CDH12: variants seen among roughly 807,000 people sequenced by gnomAD.
CDH12 encodes the protein cadherin-12.
In CDH12, 41 loss-of-function variants were observed where a neutral mutation model predicts 74.1. The ratio of observed to expected loss-of-function variants is 0.55; its 90% CI spans 0.43 to 0.72. The LOEUF (loss-of-function observed/expected upper bound fraction) is 0.72. Among genes scored for constraint, CDH12 ranks in the 30% least tolerant of loss-of-function variants. The pLI, the probability that CDH12 is intolerant of heterozygous loss-of-function variation, is 0.00. For missense variants in CDH12, 945 were observed against 977.2 expected (o/e 0.97, Z 0.44); for synonymous variants, 399 against 355.0 (o/e 1.12, Z -1.39).
At chr5:22,004,699 A>C (rs1736832974) in intron 5 of CDH12, among the ~76,000 whole-genome samples, 1 of 152,148 alleles carries the variant, frequency 6.6e-6, no homozygotes, top group Non-Finnish European at 1.5e-5. Flanking sequence ...GGTTTGTTAC[A>C]TGGATGTATT....
chr5:22,329,800 T>C (rs893594588), intron 3 of CDH12, among the ~76,000 whole-genome samples: 9 of 152,224 alleles, frequency 5.9e-5, no homozygotes. Flanking sequence ...AGGGAGCATT[T>C]TTGACCAGCC....
intron 4 of CDH12, among the ~76,000 whole-genome samples, chr5:22,131,549 C>T (rs990712313): frequency 6.6e-6 from 1 of 152,038 alleles, no homozygotes; most frequent in African/African-American, 2.4e-5. Context: ...TTAAATGGCT[C>T]CACTCCTACT....
At chr5:22,580,315 A>G (rs2126781821) in intron 1 of CDH12, 2 of 423,028 alleles carry the variant, frequency 4.7e-6, no homozygotes, top group South Asian at 1.8e-5. Flanking sequence ...TTATTGGCAA[A>G]CAAGTGGTGC....
chr5:22,589,593 T>G (rs1320245325), intron 1 of CDH12, among the ~76,000 whole-genome samples: 1 of 152,206 alleles, frequency 6.6e-6, no homozygotes, highest in African/African-American at 2.4e-5. Context: ...TCCTTAGCCT[T>G]CTTTTAATGC....
At chr5:22,718,723 A>G (rs533328651) in intron 1 of CDH12, among the ~76,000 whole-genome samples, 1 of 152,242 alleles carries the variant, frequency 6.6e-6, no homozygotes, top group South Asian at 2.1e-4. Context: ...TGCAAACTAA[A>G]GGCCAGCGAG....
At chr5:22,599,143 C>T (rs1423837958) in intron 1 of CDH12, among the ~76,000 whole-genome samples, 1 of 152,192 alleles carries the variant, frequency 6.6e-6, no homozygotes, top group Non-Finnish European at 1.5e-5. Flanking sequence ...ATATCCTACA[C>T]CTATATATGG....
rs1305339861 is a variant in CDH12, at chr5:22,723,622, A to G, written c.-523+129436T>C. The stretch of plus-strand genomic sequence containing the variant: ...TACCTCCTGGCACAATCATCATTCT[A>G]GAAGTCTAGAACCTTCATAACCTTT... On this transcript the variant is annotated intron_variant, in intron 1 of 14. Transcript: ENST00000382254. 2.6e-5 allele frequency among the ~76,000 whole-genome samples: 4 copies of G among 152,256 alleles called. No homozygotes were observed. In the East Asian group the frequency reaches 7.7e-4, roughly 29 times the overall value.
At chr5:22,326,140 T>G (rs1011865419) in intron 3 of CDH12, among the ~76,000 whole-genome samples, 1 of 152,176 alleles carries the variant, frequency 6.6e-6, no homozygotes, top group Admixed American at 6.5e-5. Flanking sequence ...TCACCTAATG[T>G]CAGTATTTGG....
intron 5 of CDH12, among the ~76,000 whole-genome samples, chr5:21,997,124 C>A (rs1297677424): frequency 6.6e-6 from 1 of 152,066 alleles, no homozygotes; most frequent in Non-Finnish European, 1.5e-5. Flanking sequence ...GATGAGGGGG[C>A]TAAACCTTGG....
At chr5:22,226,522 A>G (rs977403971) in intron 3 of CDH12, among the ~76,000 whole-genome samples, 4 of 151,914 alleles carry the variant, frequency 2.6e-5, no homozygotes, top group Admixed American at 2.0e-4. Flanking sequence ...GACCTCTGAG[A>G]TCTTATAACC....
At chr5:22,533,297 A>G (rs1737677355) in intron 1 of CDH12, among the ~76,000 whole-genome samples, 1 of 152,200 alleles carries the variant, frequency 6.6e-6, no homozygotes, top group African/African-American at 2.4e-5. Flanking sequence ...CAAAATGATC[A>G]ATACTTCCAA....
intron 1 of CDH12, among the ~76,000 whole-genome samples, chr5:22,775,075 ATAT>A (rs1747022747): frequency 6.6e-6 from 1 of 151,494 alleles, no homozygotes. Context: ...TAGAATATAT[ATAT>A]TATATAACAC....
At chr5:21,951,488 T>C (rs569146103) in intron 6 of CDH12, among the ~76,000 whole-genome samples, 214 of 152,284 alleles carry the variant, frequency 1.4e-3, no homozygotes, top group Middle Eastern at 0.01. Context: ...CCTCAGGTGA[T>C]TGGCCCGCAT....
intron 1 of CDH12, among the ~76,000 whole-genome samples, chr5:22,838,268 C>G (rs1013485664): frequency 6.6e-6 from 1 of 152,028 alleles, no homozygotes; most frequent in African/African-American, 2.4e-5. Context: ...TTATGAGCAC[C>G]CTATCATGGT....
chr5:21,836,131 T>C (rs1024225055), intron 8 of CDH12, among the ~76,000 whole-genome samples: 6 of 151,822 alleles, frequency 4.0e-5, no homozygotes, highest in African/African-American at 1.5e-4. Flanking sequence ...ATTTTTTATG[T>C]TAATTTCAGA....
intron 6 of CDH12, among the ~76,000 whole-genome samples, chr5:21,858,280 A>G (rs750873974): frequency 4.6e-5 from 7 of 151,942 alleles, no homozygotes; most frequent in African/African-American, 9.7e-5. Flanking sequence ...TTGTAAAATT[A>G]TAGTCATAAC....
chr5:22,458,032 C>T (rs1378895861), intron 2 of CDH12, among the ~76,000 whole-genome samples: 4 of 151,946 alleles, frequency 2.6e-5, no homozygotes, highest in African/African-American at 7.3e-5. Flanking sequence ...CATCAGCCAC[C>T]GTGCCCGGCC....
intron 6 of CDH12, among the ~76,000 whole-genome samples, chr5:21,879,002 C>T (rs911027594): frequency 2.6e-5 from 4 of 152,010 alleles, no homozygotes; most frequent in African/African-American, 9.7e-5. Flanking sequence ...TGTTGATATT[C>T]TATCCAAAAA....
intron 1 of CDH12, among the ~76,000 whole-genome samples, chr5:22,507,291 T>C (rs1046796890): frequency 5.9e-5 from 9 of 152,138 alleles, no homozygotes; most frequent in Admixed American, 2.0e-4. Flanking sequence ...TGTTTTCATA[T>C]AATTCATTTT....
Sources: allele counts gnomAD v4.1 joint callset (sites outside exome capture counted in the v4.1 genomes callset), GRCh38; gene constraint gnomAD v4.1.1; transcripts MANE v1.5; gene names NCBI Gene and HGNC (gene_info 2026-07-23, HGNC 2026-07-21).